ADNP2: variants seen among roughly 807,000 people sequenced by gnomAD.
The protein encoded by ADNP2 is ADNP homeobox 2.
A neutral mutation model predicts 16.4 loss-of-function variants in ADNP2; 8 were observed. That is an observed-to-expected ratio of 0.49 (90% CI 0.29 to 0.88). The LOEUF (loss-of-function observed/expected upper bound fraction) is 0.88. Among genes scored for constraint, ADNP2 ranks in the 40% least tolerant of loss-of-function variants. The pLI, the probability that ADNP2 is intolerant of heterozygous loss-of-function variation, is 0.09. For synonymous variants in ADNP2, 637 were observed against 545.8 expected (o/e 1.17, Z -2.33); for missense variants, 1,397 against 1,395.1 (o/e 1.00, Z -0.02).
chr18:80,131,770 G>C (rs1361815213), intron 2 of ADNP2, among the ~76,000 whole-genome samples: 1 of 142,484 alleles, frequency 7.0e-6, no homozygotes, highest in East Asian at 2.3e-4. Context: ...AACACTGCAT[G>C]TTCTTACTCA....
At chr18:80,117,912 T>G (rs1194937030) in intron 2 of ADNP2, among the ~76,000 whole-genome samples, 1 of 152,224 alleles carries the variant, frequency 6.6e-6, no homozygotes, top group African/African-American at 2.4e-5. Flanking sequence ...GAAATGTGAT[T>G]TGTTATTTTA....
chr18:80,112,867 C>T (rs916247636), intron 1 of ADNP2, among the ~76,000 whole-genome samples: 9 of 152,320 alleles, frequency 5.9e-5, no homozygotes, highest in Non-Finnish European at 5.9e-5. Flanking sequence ...AATTTAGCTT[C>T]CCTGTTTCAG....
intron 2 of ADNP2, among the ~76,000 whole-genome samples, chr18:80,130,571 AAATGGAAAATGTTT>A: frequency 6.6e-6 from 1 of 152,192 alleles, no homozygotes; most frequent in Non-Finnish European, 1.5e-5. Flanking sequence ...ACAATTTTAG[AAATGGAAAATGTTT>A]TTCTTGTACA....
At position 80,138,099 on chromosome 18, in the gene ADNP2, G is replaced by A. The variant is rs1253619330; in HGVS notation, c.2686G>A (p.Glu896Lys). The A allele has an allele frequency of 6.2e-7, 1 of 1,613,948 alleles. No individual in the cohort carries two copies. Among genetic ancestry groups the A allele is most frequent in the Non-Finnish European group, 8.5e-7 (1 of 1,180,044 alleles). ...TGAGGCCTATGAGCTGCATTTGAAG[G>A]AGAGGCACCACATCATGCCCACAGT... is the stretch of plus-strand genomic sequence containing the variant. ...TTEAYELHLK[E>K]RHHIMPTVHT... The change falls in exon 4 of 4, where the codon GAG (glutamate) becomes AAG (lysine). Residue 896 changes from glutamate (E) to lysine (K), a missense_variant. By Grantham distance (56) the Glu-to-Lys change is moderately conservative. Coordinates refer to ENST00000262198, the MANE Select transcript of ADNP2 (RefSeq NM_014913.4).
At chr18:80,132,848 T>C (rs960943892) in intron 2 of ADNP2, among the ~76,000 whole-genome samples, 2 of 152,010 alleles carry the variant, frequency 1.3e-5, no homozygotes, top group African/African-American at 4.8e-5. Context: ...GCCTCCCGAG[T>C]AGCTTGGAGT....
chr18:80,131,622 C>T (rs562041108), intron 2 of ADNP2, among the ~76,000 whole-genome samples: 5 of 148,166 alleles, frequency 3.4e-5, no homozygotes, highest in African/African-American at 1.0e-4. Context: ...ATGTGCACAA[C>T]GTGCAGGTTT....
intron 2 of ADNP2, among the ~76,000 whole-genome samples, chr18:80,126,835 T>C (rs1409290471): frequency 6.6e-6 from 1 of 152,204 alleles, no homozygotes; most frequent in African/African-American, 2.4e-5. Flanking sequence ...CACACAGTAG[T>C]TCCCCCGTAT....
In ADNP2 at chr18:80,136,756, T is replaced by C; in HGVS notation, c.1343T>C (p.Val448Ala). 6.2e-7 allele frequency: 1 copy of C among 1,613,076 alleles called. No individual in the cohort carries two copies. The highest frequency in any genetic ancestry group is 8.5e-7 in the Non-Finnish European group (1 of 1,179,652). Residue 448 changes from valine (V) to alanine (A), a missense_variant, in exon 4 of 4, where the codon GTC becomes GCC. Val to Ala is a moderately conservative substitution (Grantham distance 64, BLOSUM62 0). This residue lies in a region of ADNP2 where 777 missense variants were observed against 719.4 expected (regional missense o/e 1.08). Coordinates refer to ENST00000262198, the MANE Select transcript of ADNP2 (RefSeq NM_014913.4). Reference protein sequence around the residue: ...LSVSRAVPSGVLPAGQMTPAG... With the variant: ...LSVSRAVPSGALPAGQMTPAG... The stretch of plus-strand genomic sequence containing the variant: ...GTGAGTCGGGCGGTCCCGTCTGGAG[T>C]CCTTCCTGCAGGCCAGATGACTCCT...
At chr18:80,119,519 TATTTCA>T (rs2052411064) in intron 2 of ADNP2, among the ~76,000 whole-genome samples, 1 of 152,158 alleles carries the variant, frequency 6.6e-6, no homozygotes, top group Non-Finnish European at 1.5e-5. Context: ...CCTTGCTCTG[TATTTCA>T]GATTTCAGAG....
chr18:80,117,532 A>G lies in ADNP2; in HGVS notation c.-11A>G, dbSNP rs1260717450. On this transcript the variant is annotated splice_region_variant and 5_prime_UTR_variant, in exon 2 of 4. Transcript: ENST00000262198. The stretch of plus-strand genomic sequence containing the variant: ...GTTTTGTTTTCTTTCCTTTTAAGGA[A>G]AATTTCAAAAATGTTTCAAATTCCT... The G allele has an allele frequency of 1.9e-6, 3 of 1,580,034 alleles. No homozygotes were observed. Among genetic ancestry groups the G allele is most frequent in the African/African-American group, 1.4e-5 (1 of 72,614 alleles).
chr18:80,123,142 A>G (rs569002034), intron 2 of ADNP2, among the ~76,000 whole-genome samples: 23 of 152,104 alleles, frequency 1.5e-4, no homozygotes, highest in African/African-American at 5.5e-4. Flanking sequence ...CTTATGTTGA[A>G]GCCCCTTTGC....
intron 2 of ADNP2, among the ~76,000 whole-genome samples, chr18:80,118,645 A>T (rs539491244): frequency 1.3e-5 from 2 of 152,294 alleles, no homozygotes; most frequent in Non-Finnish European, 2.9e-5. Context: ...TTTTTAAGTA[A>T]CATGTCAGTA....
At chr18:80,110,128 G>C (rs2052348337) in intron 1 of ADNP2, 1 of 152,154 alleles carries the variant, frequency 6.6e-6, no homozygotes, top group African/African-American at 2.4e-5. Flanking sequence ...TTGAGCTTTT[G>C]ATGCGAATAT....
rs1192734607 is a variant in ADNP2, at chr18:80,139,610, A to T, written c.*801A>T. 2 of 152,588 alleles carry T rather than the reference A, an allele frequency of 1.3e-5. No homozygotes were observed. Among genetic ancestry groups the T allele is most frequent in the African/African-American group, 4.8e-5 (2 of 41,412 alleles). 9.5% of individuals were successfully genotyped at this position (152,588 alleles called of 1,614,324 possible). A position where few individuals can be genotyped will look rare whatever the true frequency, so the allele number is the denominator to read the frequency against. Reference sequence around the variant, plus strand: ...TTTCTCCGTTCAGAGGTAAAACAATAAATTTTTAGTGCCTTTAGAATAAAC... The same window carrying T: ...TTTCTCCGTTCAGAGGTAAAACAATTAATTTTTAGTGCCTTTAGAATAAAC... On this transcript the variant is annotated 3_prime_UTR_variant, in exon 4 of 4. Coordinates refer to ENST00000262198, the MANE Select transcript of ADNP2 (RefSeq NM_014913.4).
chr18:80,136,628 G>T lies in ADNP2; in HGVS notation c.1215G>T (p.Gln405His), dbSNP rs934688636. 3 of 1,614,156 alleles carry T rather than the reference G, an allele frequency of 1.9e-6. No homozygotes were observed. The highest frequency in any genetic ancestry group is 2.5e-6 in the Non-Finnish European group (3 of 1,180,020). ...TVRPGVLPLT[Q>H]PVGPINRPVG... Reference sequence around the variant, plus strand: ...GCCCTGGGGTTTTACCCCTCACCCAGCCTGTGGGACCCATAAACAGACCTG... The same window carrying T: ...GCCCTGGGGTTTTACCCCTCACCCATCCTGTGGGACCCATAAACAGACCTG... Residue 405 changes from glutamine to histidine, a missense_variant, in exon 4 of 4, where the codon CAG becomes CAT. By Grantham distance (24) the Gln-to-His change is conservative. This residue lies in a region of ADNP2 where 777 missense variants were observed against 719.4 expected (regional missense o/e 1.08). Coordinates refer to ENST00000262198, the MANE Select transcript of ADNP2 (RefSeq NM_014913.4).
rs551104008 is a variant in ADNP2, at chr18:80,140,024, G to C, written c.*1215G>C. The C allele has an allele frequency of 2.0e-5, 3 of 152,302 alleles. No homozygotes were observed. The East Asian group carries it at 5.8e-4, about 29-fold the overall frequency. The allele number at this position is 152,302 out of a possible 1,614,324, so 9.4% of individuals were successfully genotyped here. A position where few individuals can be genotyped will look rare whatever the true frequency, so the allele number is the denominator to read the frequency against. The stretch of plus-strand genomic sequence containing the variant: ...ATTAAAACTTAAAGCACCAGAACCA[G>C]TCATGGAGACCAGCCAGTTTAGATG... On this transcript the variant is annotated 3_prime_UTR_variant, in exon 4 of 4. Coordinates refer to ENST00000262198, the MANE Select transcript of ADNP2 (RefSeq NM_014913.4).
rs1301312147 is a variant in ADNP2 at position 80,138,025 on chromosome 18, G to A, written c.2612G>A (p.Gly871Asp). The A allele has an allele frequency of 1.2e-6, 2 of 1,613,658 alleles. No individual in the cohort carries two copies. The highest frequency in any genetic ancestry group is 1.7e-5 in the Admixed American group (1 of 60,020). The change falls in exon 4 of 4, where the codon GGC (glycine) becomes GAC (aspartate). Residue 871 changes from glycine to aspartate, a missense_variant. Physicochemically the swap from Gly to Asp is moderately conservative, Grantham distance 94 (BLOSUM62 -1). Transcript: ENST00000262198. Reference sequence around the variant, plus strand: ...GCTGAGGGCACCCCCGGGAGCACCGGCAAGCGAGTGTCCACCTGCCCCTTT... The same window carrying A: ...GCTGAGGGCACCCCCGGGAGCACCGACAAGCGAGTGTCCACCTGCCCCTTT... Reference protein sequence around the residue: ...PQAEGTPGSTGKRVSTCPFCF... With the variant: ...PQAEGTPGSTDKRVSTCPFCF...
intron 3 of ADNP2, among the ~76,000 whole-genome samples, chr18:80,135,372 TACA>T (rs1366579083): frequency 6.6e-6 from 1 of 152,250 alleles, no homozygotes; most frequent in Non-Finnish European, 1.5e-5. Flanking sequence ...GGGACTTTTG[TACA>T]ACAATGGCAG....
chr18:80,136,954 T>G lies in ADNP2; in HGVS notation c.1541T>G (p.Val514Gly). The G allele has an allele frequency of 6.2e-7, 1 of 1,613,794 alleles. No homozygotes were observed. Among genetic ancestry groups the G allele is most frequent in the South Asian group, 1.1e-5 (1 of 91,060 alleles). ...TTGAGGGTTATCTCTGCAGGCCAGG[T>G]GGTCCCGTCTGGGCTTCTTTCTCCC... ...APLRVISAGQ[V>G]VPSGLLSPNQ... The change falls in exon 4 of 4, where the codon GTG becomes GGG. Residue 514 changes from valine to glycine, a missense_variant. Physicochemically the swap from Val to Gly is moderately radical, Grantham distance 109. Around this residue, in one of 3 missense-constraint regions of ADNP2, gnomAD observed 777 missense variants for 719.4 expected, o/e 1.08. Coordinates refer to ENST00000262198, the MANE Select transcript of ADNP2 (RefSeq NM_014913.4).
Sources: allele counts gnomAD v4.1 joint callset (sites outside exome capture counted in the v4.1 genomes callset), GRCh38; gene constraint gnomAD v4.1.1; regional missense constraint gnomAD v4.1.1; transcripts MANE v1.5; gene names NCBI Gene and HGNC (gene_info 2026-07-23, HGNC 2026-07-21).